GRIA1: variants seen among roughly 807,000 people sequenced by gnomAD.
The protein encoded by GRIA1 is glutamate ionotropic receptor AMPA type subunit 1, also known as glutamate receptor 1.
In GRIA1, 31 loss-of-function variants were observed where a neutral mutation model predicts 99.2. The ratio of observed to expected loss-of-function variants is 0.31; its 90% CI spans 0.23 to 0.42. GRIA1 has a LOEUF of 0.42. Ranked by LOEUF, GRIA1 falls within the 10% of genes least tolerant of loss-of-function variation. The pLI, the probability that GRIA1 is intolerant of heterozygous loss-of-function variation, is 1.00. For missense variants in GRIA1, 782 were observed against 1,157.5 expected (o/e 0.68, Z 4.71); for synonymous variants, 438 against 432.4 (o/e 1.01, Z -0.16).
At chr5:153,773,830 G>T (rs1764040567) in intron 13 of GRIA1, among the ~76,000 whole-genome samples, 1 of 152,064 alleles carries the variant, frequency 6.6e-6, no homozygotes, top group African/African-American at 2.4e-5. Flanking sequence ...CAAACCTGAT[G>T]GTAGTCATGG....
At chr5:153,650,079 C>A (rs1242733462) in intron 3 of GRIA1, among the ~76,000 whole-genome samples, 1 of 152,218 alleles carries the variant, frequency 6.6e-6, no homozygotes, top group Non-Finnish European at 1.5e-5. Context: ...TGAGCCTGCA[C>A]AAGGCCATTT....
intron 11 of GRIA1, among the ~76,000 whole-genome samples, chr5:153,718,092 GATCTAAACCTTGC>G (rs1268696373): frequency 6.6e-6 from 1 of 152,182 alleles, no homozygotes; most frequent in Non-Finnish European, 1.5e-5. Context: ...CACCACCTGG[GATCTAAACCTTGC>G]ATTAGGCACA....
chr5:153,606,557 C>T lies in GRIA1; in HGVS notation c.221-40371C>T, dbSNP rs894614706. On this transcript the variant is annotated intron_variant, in intron 2 of 15. Transcript: ENST00000285900. ...AGTATATTGCTTCAATTATTAAGAT[C>T]TTCTTTTATTTTTTTCAGTAATATT... 2.0e-5 allele frequency among the ~76,000 whole-genome samples: 3 copies of T among 151,484 alleles called. No homozygotes were observed. The Admixed American group carries it at 2.0e-4, about 10-fold the overall frequency.
intron 11 of GRIA1, among the ~76,000 whole-genome samples, chr5:153,730,879 AT>A (rs1760962856): frequency 6.6e-6 from 1 of 152,084 alleles, no homozygotes; most frequent in African/African-American, 2.4e-5. Context: ...AACTGCTCTG[AT>A]TAAGCCAAGT....
At chr5:153,709,685 T>C (rs1356036642) in intron 11 of GRIA1, among the ~76,000 whole-genome samples, 1 of 152,220 alleles carries the variant, frequency 6.6e-6, no homozygotes, top group Non-Finnish European at 1.5e-5. Flanking sequence ...ATTGTGTCCA[T>C]GTTCAAACAG....
intron 3 of GRIA1, among the ~76,000 whole-genome samples, chr5:153,648,107 G>A (rs959073283): frequency 1.3e-5 from 2 of 152,222 alleles, no homozygotes; most frequent in African/African-American, 4.8e-5. Context: ...TGCCTGCAGG[G>A]AGTCTTAGAA....
In GRIA1 at chr5:153,682,234, A is replaced by C. The variant is rs144633275; in HGVS notation, c.1030-3991A>C. Among the ~76,000 whole-genome samples the C allele has an allele frequency of 7.1e-3, 1,074 of 152,230 alleles. 5 individuals are homozygous for C. Among genetic ancestry groups the C allele is most frequent in the Non-Finnish European group, 0.011 (736 of 68,018 alleles). ...TCTACAGGCCTCACAGCCAGTGAGCATCCAGGAGGAAGGATCCACCTGAGG... is the reference window on the plus strand; with the variant it reads ...TCTACAGGCCTCACAGCCAGTGAGCCTCCAGGAGGAAGGATCCACCTGAGG... On this transcript the variant is annotated intron_variant, in intron 7 of 15. Transcript: ENST00000285900.
chr5:153,716,561 A>C (rs1416823770), intron 11 of GRIA1, among the ~76,000 whole-genome samples: 1 of 152,154 alleles, frequency 6.6e-6, no homozygotes, highest in Non-Finnish European at 1.5e-5. Flanking sequence ...GCGAGCACCC[A>C]GGAGAACATT....
At chr5:153,773,735 C>T (rs1231168806) in intron 13 of GRIA1, among the ~76,000 whole-genome samples, 1 of 152,106 alleles carries the variant, frequency 6.6e-6, no homozygotes, top group African/African-American at 2.4e-5. Context: ...AAATACAGAT[C>T]ACTGACGACT....
At chr5:153,730,427 AAC>A (rs1454976811) in intron 11 of GRIA1, among the ~76,000 whole-genome samples, 1 of 152,084 alleles carries the variant, frequency 6.6e-6, no homozygotes, top group Non-Finnish European at 1.5e-5. Context: ...ATTAGCATGT[AAC>A]AGTACATTTT....
intron 2 of GRIA1, among the ~76,000 whole-genome samples, chr5:153,548,550 T>C (rs1759818441): frequency 6.6e-6 from 1 of 152,280 alleles, no homozygotes. Flanking sequence ...AATATTTCAA[T>C]CAGGCCAATT....
intron 3 of GRIA1, among the ~76,000 whole-genome samples, chr5:153,647,702 T>A (rs1246379992): frequency 1.3e-5 from 2 of 152,238 alleles, no homozygotes; most frequent in African/African-American, 4.8e-5. Flanking sequence ...CTGTTTTAGA[T>A]GTTATCATCA....
chr5:153,760,703 C>T (rs1431324105), intron 11 of GRIA1, among the ~76,000 whole-genome samples: 1 of 151,936 alleles, frequency 6.6e-6, no homozygotes, highest in East Asian at 1.9e-4. Context: ...TAACAAAAGA[C>T]CCTGAAGAGC....
chr5:153,765,497 G>A (rs770902061), intron 12 of GRIA1, among the ~76,000 whole-genome samples: 5 of 152,140 alleles, frequency 3.3e-5, no homozygotes, highest in South Asian at 4.1e-4. Flanking sequence ...CAGGGTAGAC[G>A]TGTAAACATT....
intron 2 of GRIA1, among the ~76,000 whole-genome samples, chr5:153,545,638 T>C (rs1759544402): frequency 6.6e-6 from 1 of 152,144 alleles, no homozygotes; most frequent in African/African-American, 2.4e-5. Flanking sequence ...CATGCAGGGA[T>C]TGGCAAACCT....
At position 153,490,905 on chromosome 5, in the gene GRIA1, CCTT is replaced by C. The variant is rs777672321; in HGVS notation, c.23_25del (p.Phe8del). On this transcript the variant is annotated inframe_deletion, in exon 1 of 16. Coordinates refer to ENST00000285900, the MANE Select transcript of GRIA1 (RefSeq NM_000827.4). ...AAAAGGAATATGCAGCACATTTTTG[CCTT>C]CTTCTGCACCGGTTTCCTAGGCGCG... is the stretch of plus-strand genomic sequence containing the variant. The C allele has an allele frequency of 6.2e-7, 1 of 1,613,978 alleles. No individual in the cohort carries two copies. The highest frequency in any genetic ancestry group is 1.7e-4 in the Middle Eastern group (1 of 6,058).
At chr5:153,666,767 T>G (rs1755775774) in intron 5 of GRIA1, among the ~76,000 whole-genome samples, 2 of 152,156 alleles carry the variant, frequency 1.3e-5, no homozygotes, top group African/African-American at 4.8e-5. Context: ...TTAGCACAGT[T>G]TCTACTACAC....
chr5:153,705,551 G>A, intron 10 of GRIA1, 146 bp from the exon 11 acceptor site: 1 of 931,950 alleles, frequency 1.1e-6, no homozygotes, highest in Non-Finnish European at 1.5e-6. Context: ...TAGAGTAGGA[G>A]GGGTTGGACT....
chr5:153,526,315 T>C (rs1433684789), intron 2 of GRIA1, among the ~76,000 whole-genome samples: 1 of 152,304 alleles, frequency 6.6e-6, no homozygotes, highest in East Asian at 1.9e-4. Flanking sequence ...TGAAGAAGTA[T>C]ATTTATAACT....
Sources: gnomAD v4.1 joint callset for allele counts (sites outside exome capture counted in the v4.1 genomes callset) on GRCh38, gnomAD v4.1.1 for gene constraint, MANE v1.5 for transcripts, NCBI Gene and HGNC (gene_info 2026-07-23, HGNC 2026-07-21) for gene names.